SPAG17: variants seen among roughly 807,000 people sequenced by gnomAD.
SPAG17 encodes the protein sperm-associated antigen 17.
In SPAG17, 169 loss-of-function variants were observed where a neutral mutation model predicts 273.6. The ratio of observed to expected loss-of-function variants is 0.62; its 90% CI spans 0.55 to 0.70. SPAG17 has a LOEUF of 0.70. Ranked by LOEUF, SPAG17 falls within the 30% of genes least tolerant of loss-of-function variation. The pLI is 0.00. For missense variants in SPAG17, 2,557 were observed against 2,627.8 expected, an observed-to-expected ratio of 0.97 and a Z score of 0.59; for synonymous variants, 825 against 873.2, an observed-to-expected ratio of 0.94 and a Z score of 0.97.
In SPAG17 at chr1:118,086,806, T is replaced by G. The variant is rs187850822; in HGVS notation, c.1498-22A>C. On this transcript the variant is annotated intron_variant, in intron 11 of 48. Coordinates refer to ENST00000336338, the MANE Select transcript of SPAG17 (RefSeq NM_206996.4). ...GATTCTATGCAAATTGAAACAATAT[T>G]GATTTAAAGAGAGGATCTATACTTT... 4.3e-6 allele frequency: 7 copies of G among 1,614,058 alleles called. No homozygotes were observed. The Admixed American group carries it at 5.0e-5, about 12-fold the overall frequency.
intron 15 of SPAG17, among the ~76,000 whole-genome samples, chr1:118,075,172 C>A (rs1022765907): frequency 1.1e-4 from 16 of 152,200 alleles, no homozygotes; most frequent in Non-Finnish European, 1.8e-4. Flanking sequence ...TAATGAGCAT[C>A]TGCTAATTTA....
chr1:117,987,088 T>A (rs1656501526), intron 40 of SPAG17, among the ~76,000 whole-genome samples: 1 of 152,174 alleles, frequency 6.6e-6, no homozygotes, highest in Admixed American at 6.5e-5. Flanking sequence ...GAGTGTCCAT[T>A]CTTCATCAAA....
intron 40 of SPAG17, among the ~76,000 whole-genome samples, chr1:117,986,330 A>G (rs1253554228): frequency 2.0e-5 from 3 of 152,120 alleles, no homozygotes; most frequent in Non-Finnish European, 4.4e-5. Flanking sequence ...GATAAACTCA[A>G]ATTCCTTTTT....
At chr1:118,035,736 G>A (rs1038760491) in intron 24 of SPAG17, among the ~76,000 whole-genome samples, 2 of 152,180 alleles carry the variant, frequency 1.3e-5, no homozygotes, top group African/African-American at 2.4e-5. Context: ...ACATCATAGA[G>A]TTTATCCTTT....
intron 6 of SPAG17, 37 bp from the exon 7 acceptor site, chr1:118,097,888 G>C: frequency 1.4e-6 from 2 of 1,432,344 alleles, no homozygotes; most frequent in Non-Finnish European, 1.9e-6. Flanking sequence ...CCAAATGAGA[G>C]TGTTAAATGT....
chr1:118,053,571 G>A (rs2101989919), intron 20 of SPAG17, among the ~76,000 whole-genome samples: 1 of 151,732 alleles, frequency 6.6e-6, no homozygotes, highest in Admixed American at 6.6e-5. Context: ...TCTGGACAAA[G>A]AAAAAGTAAT....
intron 34 of SPAG17, among the ~76,000 whole-genome samples, chr1:117,995,710 AC>A (rs1403172668): frequency 6.7e-6 from 1 of 150,318 alleles, no homozygotes; most frequent in African/African-American, 2.4e-5. Flanking sequence ...ACACACACAC[AC>A]ACACACACAC....
Position 118,054,041 on chromosome 1 carries a change from CTCTTTT to C in SPAG17, c.2769_2774del (p.Glu927_Lys928del). 3 of 1,608,760 alleles carry C rather than the reference CTCTTTT, an allele frequency of 1.9e-6. No homozygotes were observed. Among genetic ancestry groups the C allele is most frequent in the South Asian group, 2.2e-5 (2 of 90,698 alleles). On this transcript the variant is annotated inframe_deletion, in exon 20 of 49. Coordinates refer to ENST00000336338, the MANE Select transcript of SPAG17 (RefSeq NM_206996.4). ...CTAAAATGAAAGGAATCTTTTCCTTCTCTTTTTCTTTTTCTTGATCTGATATCTCTG... is the reference window on the plus strand; with the variant it reads ...CTAAAATGAAAGGAATCTTTTCCTTCTCTTTTTCTTGATCTGATATCTCTG...
chr1:117,999,369 G>T (rs1392536313), intron 32 of SPAG17, among the ~76,000 whole-genome samples: 2 of 152,180 alleles, frequency 1.3e-5, no homozygotes, highest in Admixed American at 6.5e-5. Context: ...TGGGTCAAAT[G>T]TTATTTCTGG....
intron 43 of SPAG17, 135 bp from the exon 44 acceptor site, chr1:117,973,696 A>C: frequency 1.3e-6 from 1 of 772,946 alleles, no homozygotes; most frequent in Non-Finnish European, 1.9e-6. Context: ...TTATTTATTT[A>C]TTTTTATTTT....
chr1:118,022,574 G>A (rs1424669808), intron 28 of SPAG17, among the ~76,000 whole-genome samples: 2 of 152,142 alleles, frequency 1.3e-5, no homozygotes, highest in African/African-American at 4.8e-5. Flanking sequence ...GTATGAGGAA[G>A]TAGACATTTT....
At chr1:118,064,828 G>A (rs996997258) in intron 18 of SPAG17, among the ~76,000 whole-genome samples, 6 of 151,636 alleles carry the variant, frequency 4.0e-5, no homozygotes, top group East Asian at 3.9e-4. Flanking sequence ...TTGCTAAGGC[G>A]GTATTTAGGG....
intron 3 of SPAG17, among the ~76,000 whole-genome samples, chr1:118,144,331 T>C (rs183588822): frequency 6.6e-6 from 1 of 152,322 alleles, no homozygotes; most frequent in Admixed American, 6.5e-5. Context: ...CACATCTGAC[T>C]GCTCTTTTCC....
intron 32 of SPAG17, among the ~76,000 whole-genome samples, chr1:117,998,396 T>C (rs963031960): frequency 2.0e-5 from 3 of 152,122 alleles, no homozygotes; most frequent in African/African-American, 7.2e-5. Flanking sequence ...GGCTCTCTAT[T>C]TGGTTTCATT....
intron 33 of SPAG17, 40 bp from the exon 34 acceptor site, chr1:117,996,540 C>T (rs201592930): frequency 1.4e-4 from 223 of 1,603,034 alleles, no homozygotes; most frequent in Non-Finnish European, 1.8e-4. Flanking sequence ...TCAAGTATTC[C>T]GTTAAAATTC....
chr1:118,003,866 G>C (rs1020393214), intron 32 of SPAG17, among the ~76,000 whole-genome samples: 1 of 152,246 alleles, frequency 6.6e-6, no homozygotes, highest in South Asian at 2.1e-4. Flanking sequence ...TGCTGGTAAG[G>C]AGCTGTGATC....
At chr1:118,049,766 A>T (rs1444794084) in intron 20 of SPAG17, among the ~76,000 whole-genome samples, 1 of 152,218 alleles carries the variant, frequency 6.6e-6, no homozygotes, top group Non-Finnish European at 1.5e-5. Context: ...TACAGTAGGT[A>T]GCTAGTCAGG....
intron 8 of SPAG17, among the ~76,000 whole-genome samples, 155 bp from the exon 9 acceptor site, chr1:118,092,157 G>T (rs1655418122): frequency 6.6e-6 from 1 of 152,206 alleles, no homozygotes. Context: ...CAAAGGAAAA[G>T]AGTTTTGCTT....
chr1:118,103,839 T>TTGTGTGTGTG (rs1656220536), intron 4 of SPAG17, among the ~76,000 whole-genome samples: 2 of 12,482 alleles, frequency 1.6e-4, no homozygotes, highest in Admixed American at 1.9e-3. Context: ...AGGGAAAATG[T>TTGTGTGTGTG]AGTGTGTGTG....
Sources: allele counts gnomAD v4.1 joint callset (sites outside exome capture counted in the v4.1 genomes callset), GRCh38; gene constraint gnomAD v4.1.1; transcripts MANE v1.5; gene names NCBI Gene and HGNC (gene_info 2026-07-23, HGNC 2026-07-21).